FRS3: variants seen among roughly 807,000 people sequenced by gnomAD.
FRS3 encodes the protein FGFR substrate 3.
Under a neutral mutation model 41.9 loss-of-function variants are expected in FRS3, and 17 were observed. That is an observed-to-expected ratio of 0.41 (90% CI 0.28 to 0.61). The LOEUF is 0.61. FRS3 is among the 20% of genes least tolerant of loss of function. The pLI is 0.36. For synonymous variants in FRS3, 287 were observed against 274.5 expected (o/e 1.05, Z -0.45); for missense variants, 619 against 672.1 (o/e 0.92, Z 0.87).
At chr6:41,774,938 T>C (rs536392191) in intron 4 of FRS3, among the ~76,000 whole-genome samples, 2 of 144,364 alleles carry the variant, frequency 1.4e-5, no homozygotes, top group Admixed American at 6.8e-5. Flanking sequence ...CAAACATCAC[T>C]AGGAGCAAGG....
At chr6:41,773,139 G>A (rs1395423357) in intron 4 of FRS3, among the ~76,000 whole-genome samples, 180 bp from the exon 5 acceptor site, 1 of 152,066 alleles carries the variant, frequency 6.6e-6, no homozygotes, top group African/African-American at 2.4e-5. Flanking sequence ...TTTTGCTCTT[G>A]TTGCCCAGGC....
At position 41,771,178 on chromosome 6, in the gene FRS3, G is replaced by C. The variant is rs776470493; in HGVS notation, c.920C>G (p.Pro307Arg). Residue 307 changes from proline (P) to arginine (R), a missense_variant, in exon 7 of 7, where the codon CCG (proline) becomes CGG (arginine). By Grantham distance (103) the Pro-to-Arg change is moderately radical. Transcript: ENST00000373018. Reference protein sequence around the residue: ...GAGWRLSPEEPGWNGLAHRRA... With the variant: ...GAGWRLSPEERGWNGLAHRRA... ...GCGGTGGGCAAGGCCATTCCAGCCC[G>C]GCTCCTCTGGGCTCAGTCTCCAGCC... is the stretch of plus-strand genomic sequence containing the variant. The C allele has an allele frequency of 1.3e-6, 2 of 1,553,066 alleles. No individual in the cohort carries two copies. The highest frequency in any genetic ancestry group is 1.4e-5 in the African/African-American group (1 of 73,488).
At chr6:41,774,887 T>C (rs114220334) in intron 4 of FRS3, among the ~76,000 whole-genome samples, 6,536 of 152,270 alleles carry the variant, frequency 0.043, 259 homozygotes, top group Admixed American at 0.11. Context: ...GAACCCCGTG[T>C]TGGGGCCAGG....
chr6:41,778,792 T>C (rs1336647279), intron 1 of FRS3, among the ~76,000 whole-genome samples: 1 of 152,192 alleles, frequency 6.6e-6, no homozygotes, highest in African/African-American at 2.4e-5. Flanking sequence ...TTTGGAAGCT[T>C]GATAGATTTT....
chr6:41,778,400 T>C (rs1399126223), intron 1 of FRS3, among the ~76,000 whole-genome samples: 3 of 152,008 alleles, frequency 2.0e-5, no homozygotes, highest in Non-Finnish European at 4.4e-5. Flanking sequence ...AAGTTTGAAG[T>C]CTAAGACGAC....
chr6:41,775,718 C>T (rs1186889749), intron 3 of FRS3, 113 bp from the exon 4 acceptor site: 1 of 769,696 alleles, frequency 1.3e-6, no homozygotes, highest in Non-Finnish European at 2.2e-6. Flanking sequence ...AACCAAAGGT[C>T]ACATCCGACT....
At chr6:41,778,609 G>A (rs1393399969) in intron 1 of FRS3, among the ~76,000 whole-genome samples, 3 of 152,104 alleles carry the variant, frequency 2.0e-5, no homozygotes, top group African/African-American at 7.2e-5. Context: ...TAAGTATCTG[G>A]GAGACTTAAG....
rs1312087822 is a variant in FRS3, at chr6:41,770,246, A to C, written c.*373T>G. The C allele has an allele frequency of 5.6e-6, 1 of 179,650 alleles. No individual in the cohort carries two copies. 11.1% of individuals were successfully genotyped at this position (179,650 alleles called of 1,614,324 possible). On this transcript the variant is annotated 3_prime_UTR_variant, in exon 7 of 7. Coordinates refer to ENST00000373018, the MANE Select transcript of FRS3 (RefSeq NM_006653.5). ...ATTTAAAACAATAAATAGAAAAATA[A>C]ACTGATAAATAAAATCAACAGGTAC...
chr6:41,776,240 G>A (rs1397335641), intron 3 of FRS3, among the ~76,000 whole-genome samples: 1 of 152,190 alleles, frequency 6.6e-6, no homozygotes, highest in Non-Finnish European at 1.5e-5. Flanking sequence ...TGCTTACTGT[G>A]TGCTAAGCAC....
At chr6:41,776,861 A>T (rs1772421755) in intron 3 of FRS3, 61 bp downstream of exon 3, 2 of 1,350,538 alleles carry the variant, frequency 1.5e-6, no homozygotes, top group African/African-American at 1.4e-5. Flanking sequence ...AACTCCATTA[A>T]ATTGTGTCTG....
chr6:41,774,659 C>A (rs937340342), intron 4 of FRS3, among the ~76,000 whole-genome samples: 4 of 152,126 alleles, frequency 2.6e-5, no homozygotes, highest in African/African-American at 9.7e-5. Flanking sequence ...GGGTACTGGG[C>A]CAGCATGGAC....
In FRS3 at chr6:41,770,911, G is replaced by A. The variant is rs767269665; in HGVS notation, c.1187C>T (p.Ser396Phe). ...GAAATCAAAGTTGAAGACCCTTGGG[G>A]AGCCGCGGCGGCGGGTCAGTGGCAC... is the stretch of plus-strand genomic sequence containing the variant. ...FPVPLTRRRG[S>F]PRVFNFDFRR... The change falls in exon 7 of 7, where the codon TCC becomes TTC. Residue 396 changes from serine (S) to phenylalanine (F), a missense_variant. Physicochemically the swap from Ser to Phe is radical, Grantham distance 155. Around this residue, in one of 3 missense-constraint regions of FRS3, gnomAD observed 487 missense variants for 478.3 expected, o/e 1.02. Coordinates refer to ENST00000373018, the MANE Select transcript of FRS3 (RefSeq NM_006653.5). 2 of 1,611,618 alleles carry A rather than the reference G, an allele frequency of 1.2e-6. No individual in the cohort carries two copies. The highest frequency in any genetic ancestry group is 1.7e-5 in the Admixed American group (1 of 60,020).
At chr6:41,778,587 T>A (rs1212986797) in intron 1 of FRS3, among the ~76,000 whole-genome samples, 2 of 152,162 alleles carry the variant, frequency 1.3e-5, no homozygotes, top group Non-Finnish European at 2.9e-5. Flanking sequence ...TATCGGTCAG[T>A]TTTGTTGCTA....
At chr6:41,773,917 A>G (rs1330865732) in intron 4 of FRS3, among the ~76,000 whole-genome samples, 1 of 152,046 alleles carries the variant, frequency 6.6e-6, no homozygotes, top group Non-Finnish European at 1.5e-5. Context: ...CCAAAAGCCA[A>G]GGTGGAAAGG....
Position 41,771,154 on chromosome 6 carries a change from C to T in FRS3, c.944G>A (p.Arg315His), listed in dbSNP as rs149005083. The T allele has an allele frequency of 2.4e-4, 372 of 1,556,468 alleles. 1 individual carries two copies. In the African/African-American group the frequency reaches 3.8e-3, roughly 16 times the overall value. Residue 315 changes from arginine (R) to histidine (H), a missense_variant, in exon 7 of 7, where the codon CGC becomes CAC. By Grantham distance (29) the Arg-to-His change is conservative. This residue lies in a region of FRS3 where 487 missense variants were observed against 478.3 expected (regional missense o/e 1.02). Transcript: ENST00000373018. ...CTCATAGTGCAGCAGGGCGGCCCGGCGGTGGGCAAGGCCATTCCAGCCCGG... is the reference window on the plus strand; with the variant it reads ...CTCATAGTGCAGCAGGGCGGCCCGGTGGTGGGCAAGGCCATTCCAGCCCGG... ...EEPGWNGLAH[R>H]RAALLHYENL...
Position 41,771,861 on chromosome 6 carries a change from C to G in FRS3, c.519G>C (p.Ser173=), listed in dbSNP as rs200943029. 1 of 1,553,034 alleles carries G rather than the reference C, an allele frequency of 6.4e-7. No individual in the cohort carries two copies. The highest frequency in any genetic ancestry group is 8.7e-7 in the Non-Finnish European group (1 of 1,147,816). The change falls in exon 6 of 7, where the codon TCG becomes TCC. Residue 173 remains serine, a synonymous_variant. Coordinates refer to ENST00000373018, the MANE Select transcript of FRS3 (RefSeq NM_006653.5). ...GGGCATGGGTGGACTCTTCCCCAAG[C>G]GAGGGGTGCCGCAGGCTGCTTGTCG... ...RLSTSSLRHP[S]LGEESTHALI... is the part of the protein sequence containing the mutation.
Position 41,770,479 on chromosome 6 carries a change from G to A in FRS3, c.*140C>T. The stretch of plus-strand genomic sequence containing the variant: ...CTGATATCTCTGGGGACTCCAGCCA[G>A]CACAGGGAAGCATCTGGTCCCACCT... On this transcript the variant is annotated 3_prime_UTR_variant, in exon 7 of 7. Coordinates refer to ENST00000373018, the MANE Select transcript of FRS3 (RefSeq NM_006653.5). The A allele has an allele frequency of 1.3e-6, 1 of 742,144 alleles. No individual in the cohort carries two copies. Among genetic ancestry groups the A allele is most frequent in the South Asian group, 1.8e-5 (1 of 57,072 alleles). The allele number at this position is 742,144 out of a possible 1,614,324, so 46.0% of individuals were successfully genotyped here.
chr6:41,775,308 C>T (rs1772385915), intron 4 of FRS3, 111 bp downstream of exon 4: 1 of 787,832 alleles, frequency 1.3e-6, no homozygotes, highest in Admixed American at 3.1e-5. Context: ...CACTCTACTG[C>T]CCACAGGTGA....
chr6:41,770,990 G>A lies in FRS3; in HGVS notation c.1108C>T (p.Leu370=). The change falls in exon 7 of 7, where the codon CTG becomes TTG. Residue 370 remains leucine (L), a synonymous_variant. Transcript: ENST00000373018. Reference sequence around the variant, plus strand: ...GCCCGGGTGCTGGTGGGCTTCTGCAGTGGGGTCTCGTCCTCCTCACCATCA... The same window carrying A: ...GCCCGGGTGCTGGTGGGCTTCTGCAATGGGGTCTCGTCCTCCTCACCATCA... The part of the protein sequence containing the change: ...FPDGEEDETP[L]QKPTSTRAAI... 6.2e-7 allele frequency: 1 copy of A among 1,613,048 alleles called. No homozygotes were observed. Among genetic ancestry groups the A allele is most frequent in the Non-Finnish European group, 8.5e-7 (1 of 1,179,912 alleles).
Sources: gnomAD v4.1 joint callset for allele counts (sites outside exome capture counted in the v4.1 genomes callset) on GRCh38, gnomAD v4.1.1 for gene constraint, gnomAD v4.1.1 regional missense constraint, MANE v1.5 for transcripts, NCBI Gene and HGNC (gene_info 2026-07-23, HGNC 2026-07-21) for gene names.